The following TIAM1 variants were observed in gnomAD, a reference collection of about 807,000 sequenced individuals.
The protein encoded by TIAM1 is TIAM Rac1 associated GEF 1.
TIAM1 carries 65 observed loss-of-function variants against 163.5 expected under a neutral mutation model. The ratio of observed to expected loss-of-function variants is 0.40; its 90% CI spans 0.33 to 0.49. TIAM1 has a LOEUF of 0.49. TIAM1 is among the 20% of genes least tolerant of loss of function. The probability of loss-of-function intolerance (pLI) is 0.77; values close to 1 mark genes in which losing one functional copy is unlikely to be tolerated. For missense variants in TIAM1, 1,789 were observed against 2,044.7 expected, an observed-to-expected ratio of 0.87 and a Z score of 2.41; for synonymous variants, 833 against 810.1, an observed-to-expected ratio of 1.03 and a Z score of -0.48.
chr21:31,377,921 G>A (rs2076715091), intron 2 of TIAM1, among the ~76,000 whole-genome samples: 1 of 151,836 alleles, frequency 6.6e-6, no homozygotes, highest in East Asian at 1.9e-4. Flanking sequence ...CAGATCACTT[G>A]AAGATGGGAG....
intron 1 of TIAM1, among the ~76,000 whole-genome samples, chr21:31,528,986 A>C (rs2047882987): frequency 6.9e-6 from 1 of 145,052 alleles, no homozygotes; most frequent in Non-Finnish European, 1.5e-5. Flanking sequence ...CAGTGGCGCG[A>C]TCTCAGCTCA....
chr21:31,157,080 T>G (rs547826839), intron 16 of TIAM1, among the ~76,000 whole-genome samples: 9 of 152,366 alleles, frequency 5.9e-5, no homozygotes, highest in Admixed American at 2.6e-4. Context: ...CCATTTTTAC[T>G]GTAGGCTAAT....
At chr21:31,405,222 T>C (rs1482970085) in intron 2 of TIAM1, among the ~76,000 whole-genome samples, 1 of 152,126 alleles carries the variant, frequency 6.6e-6, no homozygotes, top group East Asian at 1.9e-4. Flanking sequence ...CACTCCAACC[T>C]GGGTGACAGG....
Position 31,491,888 on chromosome 21 carries a change from T to C in TIAM1, c.-421-27853A>G, listed in dbSNP as rs576237089. Among the ~76,000 whole-genome samples the C allele has an allele frequency of 5.1e-4, 78 of 152,282 alleles. 3 individuals are homozygous for C. The highest frequency in any genetic ancestry group is 5.1e-3 in the Admixed American group (78 of 15,286). ...TAAATCATCTTGTTAAAGATAAGAATTTCACGTAGGACTCTCCATGCTTAG... is the reference window on the plus strand; with the variant it reads ...TAAATCATCTTGTTAAAGATAAGAACTTCACGTAGGACTCTCCATGCTTAG... On this transcript the variant is annotated intron_variant, in intron 1 of 28. Transcript: ENST00000286827.
chr21:31,285,503 C>A (rs968017971), intron 2 of TIAM1, among the ~76,000 whole-genome samples: 1 of 152,230 alleles, frequency 6.6e-6, no homozygotes, highest in Non-Finnish European at 1.5e-5. Context: ...CACCTTGGGG[C>A]TGTCTCTGCT....
At chr21:31,175,238 C>T (rs970100183) in intron 15 of TIAM1, among the ~76,000 whole-genome samples, 3 of 152,314 alleles carry the variant, frequency 2.0e-5, no homozygotes, top group African/African-American at 7.2e-5. Context: ...CCACAACGAA[C>T]GCTTGGCCTC....
chr21:31,150,665 A>G (rs1178633859), intron 19 of TIAM1, among the ~76,000 whole-genome samples: 3 of 152,216 alleles, frequency 2.0e-5, no homozygotes, highest in Admixed American at 2.0e-4. Flanking sequence ...ACAGGAAAAA[A>G]TCTTTAGGCA....
At chr21:31,219,980 T>C (rs8131317) in intron 8 of TIAM1, among the ~76,000 whole-genome samples, 6,933 of 152,286 alleles carry the variant, frequency 0.046, 444 homozygotes, top group African/African-American at 0.15. Context: ...CATGCAGACA[T>C]GCATATGCTC....
chr21:31,215,587 A>AAAG (rs2087150032), intron 9 of TIAM1, among the ~76,000 whole-genome samples: 2 of 151,576 alleles, frequency 1.3e-5, no homozygotes, highest in Admixed American at 6.6e-5. Context: ...AAAAAAAAAA[A>AAAG]AAGAAGAGAA....
intron 2 of TIAM1, among the ~76,000 whole-genome samples, chr21:31,443,935 C>G (rs1602292696): frequency 6.6e-6 from 1 of 152,162 alleles, no homozygotes. Context: ...GGCTTCCATT[C>G]AAGTCATTTA....
chr21:31,414,121 C>A (rs936979992), intron 2 of TIAM1, among the ~76,000 whole-genome samples: 6 of 152,192 alleles, frequency 3.9e-5, no homozygotes, highest in African/African-American at 9.7e-5. Flanking sequence ...ACTCTGAAAG[C>A]ACAAGAGAGA....
intron 1 of TIAM1, among the ~76,000 whole-genome samples, chr21:31,470,548 G>A (rs1038508911): frequency 1.3e-5 from 2 of 150,704 alleles, no homozygotes; most frequent in East Asian, 2.0e-4. Context: ...GGTCAGGCTC[G>A]TCTCGAACTC....
intron 1 of TIAM1, among the ~76,000 whole-genome samples, chr21:31,500,684 A>C (rs2046819766): frequency 1.3e-5 from 2 of 152,170 alleles, no homozygotes; most frequent in Non-Finnish European, 2.9e-5. Flanking sequence ...GGGATGATGG[A>C]GGCACAAAAT....
At position 31,127,068 on chromosome 21, in the gene TIAM1, C is replaced by T. The variant is rs202080115; in HGVS notation, c.4130G>A (p.Cys1377Tyr). The T allele has an allele frequency of 4.3e-6, 7 of 1,613,894 alleles. No homozygotes were observed. The highest frequency in any genetic ancestry group is 5.9e-6 in the Non-Finnish European group (7 of 1,179,768). The change falls in exon 26 of 28, where the codon TGC (cysteine) becomes TAC (tyrosine). Residue 1377 changes from cysteine (C) to tyrosine (Y), a missense_variant. This residue lies in a region of TIAM1 where 415 missense variants were observed against 439.2 expected (regional missense o/e 0.94). Transcript: ENST00000541036. ...GRPERVFHLC[C>Y]SSPESRKDFL... Reference sequence around the variant, plus strand: ...GACTTTACAGGCCCAGGCTCACCTGCAGCACAAGTGAAAGACCCTCTCCGG... The same window carrying T: ...GACTTTACAGGCCCAGGCTCACCTGTAGCACAAGTGAAAGACCCTCTCCGG...
At chr21:31,246,334 C>A (rs1367349298) in intron 5 of TIAM1, among the ~76,000 whole-genome samples, 1 of 152,094 alleles carries the variant, frequency 6.6e-6, no homozygotes, top group Non-Finnish European at 1.5e-5. Context: ...CATAATTGCA[C>A]TGTGAAACTA....
intron 2 of TIAM1, among the ~76,000 whole-genome samples, chr21:31,357,841 C>T (rs1035401418): frequency 4.6e-5 from 7 of 152,196 alleles, no homozygotes; most frequent in Non-Finnish European, 1.0e-4. Flanking sequence ...CCACTGATTA[C>T]TCATTCTGCT....
At chr21:31,526,483 AG>A (rs1461003292) in intron 1 of TIAM1, among the ~76,000 whole-genome samples, 1 of 152,244 alleles carries the variant, frequency 6.6e-6, no homozygotes, top group African/African-American at 2.4e-5. Context: ...CATTCTGAAC[AG>A]AAAAAGAATT....
Position 31,120,369 on chromosome 21 carries a change from C to G in TIAM1, c.4775G>C (p.Ter1592SerextTer11). 2 of 1,603,086 alleles carry G rather than the reference C, an allele frequency of 1.2e-6. No individual in the cohort carries two copies. Among genetic ancestry groups the G allele is most frequent in the Non-Finnish European group, 1.7e-6 (2 of 1,173,822 alleles). ...APSRKLNTEI[*>S] ...TTCTCTACGGGGCAGGTGACGCAGTCAGATCTCAGTGTTCAGTTTCCTGGA... is the reference window on the plus strand; with the variant it reads ...TTCTCTACGGGGCAGGTGACGCAGTGAGATCTCAGTGTTCAGTTTCCTGGA... Residue 1592 changes from the stop codon to serine, a stop_lost, in exon 28 of 28, where the codon TGA becomes TCA. Coordinates refer to ENST00000541036, the MANE Select transcript of TIAM1 (RefSeq NM_001353694.2). The surrounding 1 kb of genome is among the most constrained non-coding windows in gnomAD (Gnocchi z 4.2).
At chr21:31,188,166 C>T (rs2085388077) in intron 13 of TIAM1, among the ~76,000 whole-genome samples, 1 of 152,056 alleles carries the variant, frequency 6.6e-6, no homozygotes, top group African/African-American at 2.4e-5. Context: ...GTTTACAGGA[C>T]CAGGAAATGG....
Sources: gnomAD v4.1 joint callset for allele counts (sites outside exome capture counted in the v4.1 genomes callset) on GRCh38, gnomAD v4.1.1 for gene constraint, gnomAD v4.1.1 regional missense constraint, Gnocchi (gnomAD v3.1) non-coding constraint, MANE v1.5 for transcripts, NCBI Gene and HGNC (gene_info 2026-07-23, HGNC 2026-07-21) for gene names.